TUBA4B: variants seen among roughly 807,000 people sequenced by gnomAD.
The protein encoded by TUBA4B is tubulin alpha 4b, also known as tubulin-like protein alpha-4B.
In TUBA4B, 13 loss-of-function variants were observed where a neutral mutation model predicts 18.4. That is an observed-to-expected ratio of 0.71 (90% CI 0.46 to 1.12). The LOEUF (loss-of-function observed/expected upper bound fraction) is 1.12, where lower values mean the gene tolerates loss of function less well. TUBA4B is among the 50% of genes most tolerant of loss of function. The probability of loss-of-function intolerance (pLI) is 0.00; values close to 1 mark genes in which losing one functional copy is unlikely to be tolerated. For synonymous variants in TUBA4B, 101 were observed against 99.1 expected (o/e 1.02, Z -0.11); for missense variants, 244 against 250.0 (o/e 0.98, Z 0.16).
intron 1 of TUBA4B, among the ~76,000 whole-genome samples, chr2:219,263,594 G>A (rs1028293615): frequency 7.2e-5 from 11 of 152,234 alleles, no homozygotes; most frequent in African/African-American, 2.4e-4. Flanking sequence ...CTACACAAGA[G>A]AGTTTTGAGC....
Position 219,271,373 on chromosome 2 carries a change from C to G in TUBA4B, c.400C>G (p.Leu134Val). Reference sequence around the variant, plus strand: ...CTCTATCCTGACCACCCACACCACCCTGGAGCACTCAGACTGTGCCTTCAT... The same window carrying G: ...CTCTATCCTGACCACCCACACCACCGTGGAGCACTCAGACTGTGCCTTCAT... The part of the protein sequence containing the change: ...YNSILTTHTT[L>V]EHSDCAFMVD... The change falls in exon 4 of 4, where the codon CTG becomes GTG. Residue 134 changes from leucine (L) to valine (V), a missense_variant. By Grantham distance (32) the Leu-to-Val change is conservative. Coordinates refer to ENST00000490341, the MANE Select transcript of TUBA4B (RefSeq NM_001355221.1). 6.2e-7 allele frequency: 1 copy of G among 1,614,218 alleles called. No homozygotes were observed. Among genetic ancestry groups the G allele is most frequent in the Non-Finnish European group, 8.5e-7 (1 of 1,180,028 alleles).
intron 1 of TUBA4B, among the ~76,000 whole-genome samples, chr2:219,256,719 T>TA (rs1951722537): frequency 6.6e-6 from 1 of 152,206 alleles, no homozygotes; most frequent in Admixed American, 6.5e-5. Flanking sequence ...CCTGGTGCAG[T>TA]GCTCATGCCA....
Position 219,271,270 on chromosome 2 carries a change from C to G in TUBA4B, c.297C>G (p.Asn99Lys), listed in dbSNP as rs533256459. Residue 99 changes from asparagine (N) to lysine (K), a missense_variant, in exon 4 of 4, where the codon AAC (asparagine) becomes AAG (lysine). Coordinates refer to ENST00000490341, the MANE Select transcript of TUBA4B (RefSeq NM_001355221.1). ...TCCTGATGGAGTGGCTTTCTGTTAA[C>G]TATGGCAAGAAATCCAAGCTGGGAT... ...TSFLMEWLSV[N>K]YGKKSKLGFS... 8.8e-6 allele frequency: 13 copies of G among 1,472,530 alleles called. No individual in the cohort carries two copies. The South Asian group carries it at 1.1e-4, about 13-fold the overall frequency. The allele number at this position is 1,472,530 out of a possible 1,614,324, so 91.2% of individuals were successfully genotyped here.
chr2:219,253,803 A>C lies in TUBA4B; in HGVS notation c.12+384A>C, dbSNP rs554641143. On this transcript the variant is annotated intron_variant, in intron 1 of 3. Coordinates refer to ENST00000490341, the MANE Select transcript of TUBA4B (RefSeq NM_001355221.1). ...AGCATGCCTGGAAGAAGTGTCCCCCAAAGGAGAGGGGCAATTAGGGGACAG... is the reference window on the plus strand; with the variant it reads ...AGCATGCCTGGAAGAAGTGTCCCCCCAAGGAGAGGGGCAATTAGGGGACAG... 31 of 1,538,388 alleles carry C rather than the reference A, an allele frequency of 2.0e-5. No homozygotes were observed. The South Asian group carries it at 3.8e-4, about 19-fold the overall frequency.
chr2:219,257,696 G>A (rs1390847936), intron 1 of TUBA4B, among the ~76,000 whole-genome samples: 1 of 143,462 alleles, frequency 7.0e-6, no homozygotes, highest in East Asian at 2.1e-4. Context: ...TTGCTCTCTT[G>A]CCCAGGCTGG....
chr2:219,268,398 A>G (rs1951805235), intron 2 of TUBA4B, among the ~76,000 whole-genome samples: 1 of 152,116 alleles, frequency 6.6e-6, no homozygotes, highest in Non-Finnish European at 1.5e-5. Context: ...CCCAGCCTCA[A>G]TTCATTACCT....
chr2:219,259,389 G>A (rs929004787), intron 1 of TUBA4B, among the ~76,000 whole-genome samples: 18 of 150,484 alleles, frequency 1.2e-4, no homozygotes, highest in African/African-American at 4.2e-4. Flanking sequence ...TTCTGATTGT[G>A]TGTGTGTGTG....
intron 2 of TUBA4B, among the ~76,000 whole-genome samples, chr2:219,266,810 G>C (rs894864917): frequency 6.6e-6 from 1 of 152,160 alleles, no homozygotes; most frequent in South Asian, 2.1e-4. Flanking sequence ...CTGAGCCTAG[G>C]CTGAGAAGCA....
intron 1 of TUBA4B, chr2:219,254,139 C>T (rs1951696258): frequency 5.3e-6 from 2 of 380,188 alleles, no homozygotes; most frequent in Admixed American, 8.9e-5. Context: ...TTTAACCATT[C>T]TTTCCTCGTT....
chr2:219,266,495 A>T lies in TUBA4B; in HGVS notation c.13-26A>T, dbSNP rs1007535285. On this transcript the variant is annotated intron_variant, in intron 1 of 3. Coordinates refer to ENST00000490341, the MANE Select transcript of TUBA4B (RefSeq NM_001355221.1). ...GCTGGCCGCTGCAGGCCTCTCACAG[A>T]TCTATCCCTGCTCACTATCCTGCAG... 7.1e-6 allele frequency: 5 copies of T among 702,420 alleles called. No individual in the cohort carries two copies. In the African/African-American group the frequency reaches 8.7e-5, roughly 12 times the overall value. 43.5% of individuals were successfully genotyped at this position (702,420 alleles called of 1,614,324 possible). A position where few individuals can be genotyped will look rare whatever the true frequency, so the allele number is the denominator to read the frequency against.
intron 1 of TUBA4B, among the ~76,000 whole-genome samples, chr2:219,261,939 A>G (rs1951761501): frequency 6.6e-6 from 1 of 152,096 alleles, no homozygotes; most frequent in South Asian, 2.1e-4. Flanking sequence ...GATTGTTTGC[A>G]CTTATTATTC....
chr2:219,264,025 C>G (rs778448449), intron 1 of TUBA4B, among the ~76,000 whole-genome samples: 3 of 152,200 alleles, frequency 2.0e-5, no homozygotes, highest in Non-Finnish European at 2.9e-5. Flanking sequence ...AACAGTCCCC[C>G]CTTACTTACA....
chr2:219,262,988 C>A (rs897702224), intron 1 of TUBA4B, among the ~76,000 whole-genome samples: 1 of 151,978 alleles, frequency 6.6e-6, no homozygotes, highest in African/African-American at 2.4e-5. Context: ...TCGCAGTGAG[C>A]CGAGATAGCA....
chr2:219,272,112 TG>T lies in TUBA4B; in HGVS notation c.*419del. ...GGAGGTGGGCATGGATAGTGTGGAG[TG>T]GGGGGAAGAAAAGATAGGGGGGATG... is the stretch of plus-strand genomic sequence containing the variant. On this transcript the variant is annotated 3_prime_UTR_variant, in exon 4 of 4. Coordinates refer to ENST00000490341, the MANE Select transcript of TUBA4B (RefSeq NM_001355221.1). 1 of 841,764 alleles carries T rather than the reference TG, an allele frequency of 1.2e-6. No homozygotes were observed. Among genetic ancestry groups the T allele is most frequent in the Non-Finnish European group, 1.9e-6 (1 of 527,058 alleles). 52.1% of individuals were successfully genotyped at this position (841,764 alleles called of 1,614,324 possible). A position where few individuals can be genotyped will look rare whatever the true frequency, so the allele number is the denominator to read the frequency against.
chr2:219,253,828 G>A, intron 1 of TUBA4B: 26 of 1,523,924 alleles, frequency 1.7e-5, no homozygotes, highest in Admixed American at 2.3e-5. Context: ...TTAGGGGACA[G>A]GCGCGACCCC....
chr2:219,260,032 GC>G (rs1430232944), intron 1 of TUBA4B, among the ~76,000 whole-genome samples: 3 of 152,158 alleles, frequency 2.0e-5, no homozygotes, highest in South Asian at 4.1e-4. Flanking sequence ...GCCGCTCACA[GC>G]AGCATTTCTC....
At chr2:219,260,171 C>T (rs1951751450) in intron 1 of TUBA4B, among the ~76,000 whole-genome samples, 1 of 152,044 alleles carries the variant, frequency 6.6e-6, no homozygotes, top group African/African-American at 2.4e-5. Flanking sequence ...ATGATGTTCC[C>T]CATAGCCCAG....
At chr2:219,262,994 T>C (rs1951768939) in intron 1 of TUBA4B, among the ~76,000 whole-genome samples, 1 of 151,800 alleles carries the variant, frequency 6.6e-6, no homozygotes, top group African/African-American at 2.4e-5. Flanking sequence ...TGAGCCGAGA[T>C]AGCACCACTG....
At chr2:219,269,394 T>G (rs1287751790) in intron 2 of TUBA4B, among the ~76,000 whole-genome samples, 2 of 152,184 alleles carry the variant, frequency 1.3e-5, no homozygotes, top group African/African-American at 2.4e-5. Flanking sequence ...ATCTCAGGAC[T>G]GCCCGCATCT....
Sources: gnomAD v4.1 joint callset for allele counts (sites outside exome capture counted in the v4.1 genomes callset) on GRCh38, gnomAD v4.1.1 for gene constraint, MANE v1.5 for transcripts, NCBI Gene and HGNC (gene_info 2026-07-23, HGNC 2026-07-21) for gene names.